PPP6C: variants seen among roughly 807,000 people sequenced by gnomAD.
PPP6C encodes the protein protein phosphatase 6 catalytic subunit.
Under a neutral mutation model 39.8 loss-of-function variants are expected in PPP6C, and 11 were observed. The ratio of observed to expected loss-of-function variants is 0.28; its 90% CI spans 0.17 to 0.46. The LOEUF (loss-of-function observed/expected upper bound fraction) is 0.46. Among genes scored for constraint, PPP6C ranks in the 20% least tolerant of loss-of-function variants. The pLI, the probability that PPP6C is intolerant of heterozygous loss-of-function variation, is 1.00. For synonymous variants in PPP6C, 129 were observed against 130.3 expected, an observed-to-expected ratio of 0.99 and a Z score of 0.07; for missense variants, 211 against 373.9, an observed-to-expected ratio of 0.56 and a Z score of 3.59.
intron 3 of PPP6C, among the ~76,000 whole-genome samples, chr9:125,159,720 A>G (rs1828812224): frequency 6.6e-6 from 1 of 152,164 alleles, no homozygotes; most frequent in Non-Finnish European, 1.5e-5. Flanking sequence ...CAGCTGAAAG[A>G]ATAGGAAAGT....
At chr9:125,151,126 C>A in intron 6 of PPP6C, 4 of 1,377,790 alleles carry the variant, frequency 2.9e-6, no homozygotes, top group Admixed American at 1.7e-5. Context: ...TATCTCTGAG[C>A]AGAAGAACTG....
intron 3 of PPP6C, among the ~76,000 whole-genome samples, chr9:125,160,255 G>C (rs886943649): frequency 1.3e-5 from 2 of 152,120 alleles, no homozygotes; most frequent in African/African-American, 4.8e-5. Context: ...CAGGGGTTCT[G>C]GGTTATTTTT....
At chr9:125,163,094 T>C (rs1442424991) in intron 2 of PPP6C, among the ~76,000 whole-genome samples, 1 of 151,196 alleles carries the variant, frequency 6.6e-6, no homozygotes, top group Non-Finnish European at 1.5e-5. Flanking sequence ...AAAAAAAGTG[T>C]TATGACAACA....
chr9:125,189,505 G>A, intron 1 of PPP6C, 139 bp downstream of exon 1: 2 of 1,474,466 alleles, frequency 1.4e-6, no homozygotes, highest in Admixed American at 2.6e-5. Flanking sequence ...GTGACGCCGG[G>A]TAGGACCGGG....
At position 125,158,089 on chromosome 9, in the gene PPP6C, C is replaced by T. The variant is rs772572488; in HGVS notation, c.379+152G>A. The T allele has an allele frequency of 2.0e-4, 160 of 805,624 alleles. 1 individual carries two copies. Among genetic ancestry groups the T allele is most frequent in the Non-Finnish European group, 2.7e-4 (141 of 519,232 alleles). 49.9% of individuals were successfully genotyped at this position (805,624 alleles called of 1,614,324 possible). ...CAAAAAGTTAACAGTGGTCTTCTCT[C>T]GAGCATAAGATTTTCAATTGTTTGG... On this transcript the variant is annotated intron_variant, in intron 4 of 6. Coordinates refer to ENST00000373547, the MANE Select transcript of PPP6C (RefSeq NM_002721.5).
At position 125,147,151 on chromosome 9, in the gene PPP6C, T is replaced by A. The variant is rs1244175887; in HGVS notation, c.*2522A>T. 1.3e-5 allele frequency: 2 copies of A among 152,150 alleles called. No individual in the cohort carries two copies. Among genetic ancestry groups the A allele is most frequent in the African/African-American group, 4.8e-5 (2 of 41,428 alleles). 9.4% of individuals were successfully genotyped at this position (152,150 alleles called of 1,614,324 possible). A position where few individuals can be genotyped will look rare whatever the true frequency, so the allele number is the denominator to read the frequency against. On this transcript the variant is annotated 3_prime_UTR_variant, in exon 7 of 7. Transcript: ENST00000373547. ...TAGTGAAACTTTTTGGGGAAACACATTAACTTATAAAAAGCTAGCCAAGAG... is the reference window on the plus strand; with the variant it reads ...TAGTGAAACTTTTTGGGGAAACACAATAACTTATAAAAAGCTAGCCAAGAG...
chr9:125,153,872 G>T, intron 5 of PPP6C, 34 bp downstream of exon 5: 1 of 1,552,558 alleles, frequency 6.4e-7, no homozygotes, highest in South Asian at 1.1e-5. Context: ...TTATTGGCAG[G>T]AACGTACATG....
At chr9:125,165,091 T>C (rs750814601) in intron 2 of PPP6C, among the ~76,000 whole-genome samples, 1 of 152,124 alleles carries the variant, frequency 6.6e-6, no homozygotes, top group Non-Finnish European at 1.5e-5. Flanking sequence ...GTCTGCCCAG[T>C]AGTTCTCAAA....
At chr9:125,171,792 G>C (rs1009100224) in intron 1 of PPP6C, 2 of 433,098 alleles carry the variant, frequency 4.6e-6, no homozygotes, top group Non-Finnish European at 4.6e-6. Context: ...GACCTCAGGT[G>C]ATCCACCCAC....
rs558491430 is a variant in PPP6C at position 125,149,868 on chromosome 9, G to A, written c.723C>T (p.His241=). 1.7e-5 allele frequency: 27 copies of A among 1,614,058 alleles called. No homozygotes were observed. Among genetic ancestry groups the A allele is most frequent in the Admixed American group, 1.0e-4 (6 of 60,022 alleles). ...KLICRAHQLV[H]EGYKFMFDEK... ...CATCAAACATAAATTTATAGCCTTC[G>A]TGCACTAGTTGATGTGCTCTGCAGA... is the stretch of plus-strand genomic sequence containing the variant. Residue 241 remains histidine (H), a synonymous_variant, in exon 7 of 7, where the codon CAC becomes CAT. Transcript: ENST00000373547.
intron 6 of PPP6C, among the ~76,000 whole-genome samples, chr9:125,152,623 G>C (rs1323473568): frequency 1.3e-5 from 2 of 152,074 alleles, no homozygotes; most frequent in Admixed American, 1.3e-4. Context: ...CTGAGGTCAG[G>C]AGTTCAAGAC....
chr9:125,177,424 C>G (rs1829325575), intron 1 of PPP6C, among the ~76,000 whole-genome samples: 1 of 151,962 alleles, frequency 6.6e-6, no homozygotes, highest in African/African-American at 2.4e-5. Context: ...CTGCTGGGCA[C>G]AGTGGCTCGC....
intron 4 of PPP6C, among the ~76,000 whole-genome samples, chr9:125,155,425 G>A (rs1255457001): frequency 6.6e-6 from 1 of 152,122 alleles, no homozygotes; most frequent in South Asian, 2.1e-4. Context: ...ATGTAAACTT[G>A]CCATAAGAGA....
chr9:125,150,866 G>A, intron 6 of PPP6C: 1 of 803,480 alleles, frequency 1.2e-6, no homozygotes. Flanking sequence ...CTTTGATCAT[G>A]ACTAATACCT....
intron 1 of PPP6C, 117 bp downstream of exon 1, chr9:125,189,527 T>C (rs776209870): frequency 7.3e-6 from 11 of 1,515,022 alleles, no homozygotes; most frequent in Middle Eastern, 2.1e-4. Context: ...CGACTGGCAA[T>C]GGGGGAGGCC....
intron 2 of PPP6C, among the ~76,000 whole-genome samples, chr9:125,162,669 G>A (rs950169000): frequency 6.6e-6 from 1 of 150,418 alleles, no homozygotes; most frequent in Non-Finnish European, 1.5e-5. Context: ...CCTGCTACTC[G>A]GGAGGCTGAG....
chr9:125,176,239 A>G (rs2131335793), intron 1 of PPP6C, among the ~76,000 whole-genome samples: 1 of 152,344 alleles, frequency 6.6e-6, no homozygotes, highest in South Asian at 2.1e-4. Context: ...AAAACAGGAG[A>G]GCATCACAGA....
At chr9:125,170,815 C>T (rs577320638) in intron 2 of PPP6C, among the ~76,000 whole-genome samples, 12 of 152,284 alleles carry the variant, frequency 7.9e-5, no homozygotes, top group African/African-American at 2.4e-4. Context: ...CTTCTACCTA[C>T]CCCCAACCCC....
intron 1 of PPP6C, among the ~76,000 whole-genome samples, chr9:125,174,103 C>G (rs774675787): frequency 1.8e-4 from 27 of 152,132 alleles, no homozygotes; most frequent in Non-Finnish European, 3.1e-4. Context: ...TCCTTCCTAC[C>G]TGAGACCAGT....
Sources: gnomAD v4.1 joint callset for allele counts (sites outside exome capture counted in the v4.1 genomes callset) on GRCh38, gnomAD v4.1.1 for gene constraint, MANE v1.5 for transcripts, NCBI Gene and HGNC (gene_info 2026-07-23, HGNC 2026-07-21) for gene names.